Variants in GIPC3 observed in about 807,000 individuals in gnomAD.
GIPC3 encodes PDZ domain-containing protein GIPC3.
GIPC3 carries 16 observed loss-of-function variants against 27.3 expected under a neutral mutation model. The observed-to-expected ratio is 0.59, with a 90% CI of 0.40 to 0.89. The LOEUF (loss-of-function observed/expected upper bound fraction) is 0.89. GIPC3 is among the 40% of genes least tolerant of loss of function. The pLI, the probability that GIPC3 is intolerant of heterozygous loss-of-function variation, is 0.00. For synonymous variants in GIPC3, 194 were observed against 184.6 expected, an observed-to-expected ratio of 1.05 and a Z score of -0.41; for missense variants, 440 against 442.1, an observed-to-expected ratio of 1.00 and a Z score of 0.04.
intron 3 of GIPC3, among the ~76,000 whole-genome samples, chr19:3,588,534 G>T (rs552401701): frequency 1.3e-5 from 2 of 150,870 alleles, no homozygotes; most frequent in African/African-American, 4.9e-5. Flanking sequence ...CAAAAGCCAT[G>T]CCTAAAAATA....
Position 3,586,835 on chromosome 19 carries a change from A to G in GIPC3, c.433A>G (p.Ile145Val). The G allele has an allele frequency of 6.2e-7, 1 of 1,613,684 alleles. No individual in the cohort carries two copies. The highest frequency in any genetic ancestry group is 8.5e-7 in the Non-Finnish European group (1 of 1,180,004). ...GCAGAGAATCAAGGAAGGCAGTATC[A>G]TCAACCGGATCGAGGCAGTGTGCGT... Reference protein sequence around the residue: ...FIKRIKEGSIINRIEAVCVGD... With the variant: ...FIKRIKEGSIVNRIEAVCVGD... The change falls in exon 3 of 6, where the codon ATC becomes GTC. Residue 145 changes from isoleucine (I) to valine (V), a missense_variant. Ile to Val is a conservative substitution (Grantham distance 29). Transcript: ENST00000644452.
chr19:3,586,834 C>CTA lies in GIPC3; in HGVS notation c.432_433insTA (p.Ile145Ter). On this transcript the variant is annotated frameshift_variant, in exon 3 of 6. Transcript: ENST00000644452. LOFTEE classifies it high-confidence loss of function. Reference sequence around the variant, plus strand: ...TGCAGAGAATCAAGGAAGGCAGTATCATCAACCGGATCGAGGCAGTGTGCG... The same window carrying CTA: ...TGCAGAGAATCAAGGAAGGCAGTATCTAATCAACCGGATCGAGGCAGTGTGCG... The CTA allele has an allele frequency of 6.2e-7, 1 of 1,613,676 alleles. No homozygotes were observed. Among genetic ancestry groups the CTA allele is most frequent in the Non-Finnish European group, 8.5e-7 (1 of 1,179,994 alleles).
Position 3,592,825 on chromosome 19 carries a change from G to A in GIPC3, c.*2635G>A. ...CAATCCAGTTCCAGAACTCACACCA[G>A]TTCAAGAATCTGGCTGAGCCCTGGA... On this transcript the variant is annotated 3_prime_UTR_variant, in exon 6 of 6. Coordinates refer to ENST00000644452, the MANE Select transcript of GIPC3 (RefSeq NM_133261.3). The A allele has an allele frequency of 8.1e-7, 1 of 1,232,096 alleles. No homozygotes were observed. Among genetic ancestry groups the A allele is most frequent in the Non-Finnish European group, 1.0e-6 (1 of 988,008 alleles). 76.3% of individuals were successfully genotyped at this position (1,232,096 alleles called of 1,614,324 possible).
chr19:3,589,999 G>A lies in GIPC3; in HGVS notation c.788-40G>A, dbSNP rs763654385. 28 of 1,613,118 alleles carry A rather than the reference G, an allele frequency of 1.7e-5. 1 individual carries two copies. The South Asian group carries it at 3.1e-4, about 18-fold the overall frequency. On this transcript the variant is annotated intron_variant, in intron 5 of 5. Coordinates refer to ENST00000644452, the MANE Select transcript of GIPC3 (RefSeq NM_133261.3). ...GGTCCCAGCGGGAAGTTGGGCGCGGGGAGTGCCCTCACTGACATCCCCTCT... is the reference window on the plus strand; with the variant it reads ...GGTCCCAGCGGGAAGTTGGGCGCGGAGAGTGCCCTCACTGACATCCCCTCT...
At chr19:3,587,108 G>T in intron 3 of GIPC3, 114 bp downstream of exon 3, 1 of 907,152 alleles carries the variant, frequency 1.1e-6, no homozygotes, top group Non-Finnish European at 1.7e-6. Context: ...CCCGCTGCGT[G>T]CCAAGGAGCT....
chr19:3,593,276 C>T lies in GIPC3; in HGVS notation c.*3086C>T, dbSNP rs372056747. The T allele has an allele frequency of 3.2e-5, 39 of 1,232,284 alleles. No homozygotes were observed. The highest frequency in any genetic ancestry group is 4.2e-5 in the Admixed American group (1 of 23,704). 76.3% of individuals were successfully genotyped at this position (1,232,284 alleles called of 1,614,324 possible). ...GGGAGCCAGGAGCCCGCCCTTACCGCGGGGGGCCGTAGCTTGGCTGTGACT... is the reference window on the plus strand; with the variant it reads ...GGGAGCCAGGAGCCCGCCCTTACCGTGGGGGGCCGTAGCTTGGCTGTGACT... On this transcript the variant is annotated 3_prime_UTR_variant, in exon 6 of 6. Coordinates refer to ENST00000644452, the MANE Select transcript of GIPC3 (RefSeq NM_133261.3).
rs184758641 is a variant in GIPC3, at chr19:3,591,765, G to T, written c.*1575G>T. The T allele has an allele frequency of 5.6e-4, 687 of 1,232,996 alleles. No individual in the cohort carries two copies. The highest frequency in any genetic ancestry group is 6.8e-4 in the Non-Finnish European group (668 of 988,774). The allele number at this position is 1,232,996 out of a possible 1,614,324, so 76.4% of individuals were successfully genotyped here. On this transcript the variant is annotated 3_prime_UTR_variant, in exon 6 of 6. Transcript: ENST00000644452. Reference sequence around the variant, plus strand: ...GCCCAGCTCTAGAACCTCGCCTAGTGCTACAACCAGGCCCAACTCCAGGAT... The same window carrying T: ...GCCCAGCTCTAGAACCTCGCCTAGTTCTACAACCAGGCCCAACTCCAGGAT...
intron 1 of GIPC3, among the ~76,000 whole-genome samples, 165 bp downstream of exon 1, chr19:3,585,987 C>T (rs764515982): frequency 3.3e-5 from 5 of 152,152 alleles, no homozygotes; most frequent in Admixed American, 6.6e-5. Flanking sequence ...CGGGGTGCCA[C>T]ACTCCCAGGG....
In GIPC3 at chr19:3,592,456, C is replaced by G; in HGVS notation, c.*2266C>G. The stretch of plus-strand genomic sequence containing the variant: ...TCCGGAGCCCAACCCAGCTCCAGAA[C>G]TCAGACTAGTTCTGGAAACCAGCTC... On this transcript the variant is annotated 3_prime_UTR_variant, in exon 6 of 6. Coordinates refer to ENST00000644452, the MANE Select transcript of GIPC3 (RefSeq NM_133261.3). 2 of 1,231,984 alleles carry G rather than the reference C, an allele frequency of 1.6e-6. No homozygotes were observed. The highest frequency in any genetic ancestry group is 2.0e-6 in the Non-Finnish European group (2 of 987,968). The allele number at this position is 1,231,984 out of a possible 1,614,324, so 76.3% of individuals were successfully genotyped here. A position where few individuals can be genotyped will look rare whatever the true frequency, so the allele number is the denominator to read the frequency against.
intron 4 of GIPC3, 55 bp downstream of exon 4, chr19:3,589,610 GA>G: frequency 7.0e-7 from 1 of 1,424,258 alleles, no homozygotes; most frequent in South Asian, 1.1e-5. Context: ...CTCCTCCACT[GA>G]GTCAGTGCGG....
At position 3,586,577 on chromosome 19, in the gene GIPC3, T is replaced by A; in HGVS notation, c.308T>A (p.Phe103Tyr). The change falls in exon 2 of 6, where the codon TTT becomes TAT. Residue 103 changes from phenylalanine to tyrosine, a missense_variant. By Grantham distance (22) the Phe-to-Tyr change is conservative. Transcript: ENST00000644452. The stretch of plus-strand genomic sequence containing the variant: ...CAGATAGGCCTGGAGGACTTCATCT[T>A]TGCCCACGTGCGAGGCGAGACCAAG... ...GGQIGLEDFI[F>Y]AHVRGETKEV... 1 of 1,613,844 alleles carries A rather than the reference T, an allele frequency of 6.2e-7. No individual in the cohort carries two copies. The highest frequency in any genetic ancestry group is 8.5e-7 in the Non-Finnish European group (1 of 1,179,962).
chr19:3,591,120 G>C lies in GIPC3; in HGVS notation c.*930G>C. 8.1e-7 allele frequency: 1 copy of C among 1,233,508 alleles called. No homozygotes were observed. The highest frequency in any genetic ancestry group is 1.0e-6 in the Non-Finnish European group (1 of 988,988). 76.4% of individuals were successfully genotyped at this position (1,233,508 alleles called of 1,614,324 possible). On this transcript the variant is annotated 3_prime_UTR_variant, in exon 6 of 6. Coordinates refer to ENST00000644452, the MANE Select transcript of GIPC3 (RefSeq NM_133261.3). ...CAGCTCTAGAACTCAGGTCAGCCCT[G>C]AGACCAAGCCCAGCTCTAGAACCCA...
In GIPC3 at chr19:3,585,499, C is replaced by G. The variant is rs1394462402; in HGVS notation, c.-99C>G. On this transcript the variant is annotated 5_prime_UTR_variant, in exon 1 of 6. Transcript: ENST00000644452. ...CCCAGATCCCCTTACCCGGGCGTCT[C>G]GGCTGTCGCGCCCTGGGCCGGGGGA... is the stretch of plus-strand genomic sequence containing the variant. 9.8e-7 allele frequency: 1 copy of G among 1,021,256 alleles called. No individual in the cohort carries two copies. The highest frequency in any genetic ancestry group is 1.2e-6 in the Non-Finnish European group (1 of 846,238). 63.3% of individuals were successfully genotyped at this position (1,021,256 alleles called of 1,614,324 possible). A position where few individuals can be genotyped will look rare whatever the true frequency, so the allele number is the denominator to read the frequency against.
At chr19:3,587,695 C>CTTTTTTCTTTTCTTTTTTTTTTTTTT (rs548820972) in intron 3 of GIPC3, among the ~76,000 whole-genome samples, 1 of 131,208 alleles carries the variant, frequency 7.6e-6, no homozygotes, top group Non-Finnish European at 1.6e-5. Flanking sequence ...CTTTTCTTTT[C>CTTTTTTCTTTTCTTTTTTTTTTTTTT]TTTTTTTTTT....
At position 3,586,348 on chromosome 19, in the gene GIPC3, T is replaced by C. The variant is rs996378008; in HGVS notation, c.226-147T>C. On this transcript the variant is annotated intron_variant, in intron 1 of 5. Transcript: ENST00000644452. ...CACCTGCTGGAAGTCTCCTTCTCCC[T>C]CCTCTCTCTGTTCTGGGGGTCCCAC... 2.3e-5 allele frequency: 17 copies of C among 741,212 alleles called. No individual in the cohort carries two copies. The African/African-American group carries it at 2.9e-4, about 13-fold the overall frequency. The allele number at this position is 741,212 out of a possible 1,614,324, so 45.9% of individuals were successfully genotyped here. A position where few individuals can be genotyped will look rare whatever the true frequency, so the allele number is the denominator to read the frequency against.
Position 3,591,081 on chromosome 19 carries a change from T to C in GIPC3, c.*891T>C. The C allele has an allele frequency of 8.1e-7, 1 of 1,231,748 alleles. No individual in the cohort carries two copies. The highest frequency in any genetic ancestry group is 1.0e-6 in the Non-Finnish European group (1 of 988,454). 76.3% of individuals were successfully genotyped at this position (1,231,748 alleles called of 1,614,324 possible). On this transcript the variant is annotated 3_prime_UTR_variant, in exon 6 of 6. Coordinates refer to ENST00000644452, the MANE Select transcript of GIPC3 (RefSeq NM_133261.3). Reference sequence around the variant, plus strand: ...GCCGTGTTCTAGAATTCAGGCCACATCTGAAGCCAAGCCCAGCTCTAGAAC... The same window carrying C: ...GCCGTGTTCTAGAATTCAGGCCACACCTGAAGCCAAGCCCAGCTCTAGAAC...
intron 3 of GIPC3, among the ~76,000 whole-genome samples, chr19:3,588,024 G>T (rs991575961): frequency 6.6e-6 from 1 of 151,506 alleles, no homozygotes; most frequent in East Asian, 1.9e-4. Flanking sequence ...CTTTTTTTGA[G>T]ACGGAGTTTT....
Position 3,593,131 on chromosome 19 carries a change from C to A in GIPC3, c.*2941C>A. The A allele has an allele frequency of 2.4e-6, 3 of 1,232,336 alleles. No individual in the cohort carries two copies. The highest frequency in any genetic ancestry group is 3.0e-6 in the Non-Finnish European group (3 of 988,252). 76.3% of individuals were successfully genotyped at this position (1,232,336 alleles called of 1,614,324 possible). ...GTCTCTCCCAAGCCCCGGGTGGGACCCCAGAAGTCCACCCCACCCACCATA... is the reference window on the plus strand; with the variant it reads ...GTCTCTCCCAAGCCCCGGGTGGGACACCAGAAGTCCACCCCACCCACCATA... On this transcript the variant is annotated 3_prime_UTR_variant, in exon 6 of 6. Coordinates refer to ENST00000644452, the MANE Select transcript of GIPC3 (RefSeq NM_133261.3).
At chr19:3,589,734 C>T (rs2145274034) in intron 4 of GIPC3, 97 bp from the exon 5 acceptor site, 1 of 1,271,906 alleles carries the variant, frequency 7.9e-7, no homozygotes, top group Non-Finnish European at 1.1e-6. Context: ...GTGTGAGGGT[C>T]CAGTCTACTC....
Sources: allele counts gnomAD v4.1 joint callset (sites outside exome capture counted in the v4.1 genomes callset), GRCh38; gene constraint gnomAD v4.1.1; transcripts MANE v1.5; gene names NCBI Gene and HGNC (gene_info 2026-07-23, HGNC 2026-07-21).